MSI2: variants seen among roughly 807,000 people sequenced by gnomAD.
MSI2 encodes the protein musashi RNA binding protein 2, also known as RNA-binding protein Musashi homolog 2.
A neutral mutation model predicts 45.6 loss-of-function variants in MSI2; 17 were observed. That is an observed-to-expected ratio of 0.37 (90% CI 0.26 to 0.56). MSI2 has a LOEUF of 0.56. Among genes scored for constraint, MSI2 ranks in the 20% least tolerant of loss-of-function variants. The pLI, the probability that MSI2 is intolerant of heterozygous loss-of-function variation, is 0.77. For synonymous variants in MSI2, 156 were observed against 158.2 expected (o/e 0.99, Z 0.11); for missense variants, 293 against 444.2 (o/e 0.66, Z 3.06).
intron 5 of MSI2, among the ~76,000 whole-genome samples, chr17:57,353,551 G>A (rs1043657107): frequency 6.6e-6 from 1 of 152,152 alleles, no homozygotes; most frequent in African/African-American, 2.4e-5. Flanking sequence ...TATTTCCTTT[G>A]TTATTTAGGG....
At chr17:57,654,780 C>G (rs1192112884) in intron 11 of MSI2, among the ~76,000 whole-genome samples, 1 of 152,158 alleles carries the variant, frequency 6.6e-6, no homozygotes, top group African/African-American at 2.4e-5. Flanking sequence ...CATGCTAAAC[C>G]TGGCAGGCAA....
intron 1 of MSI2, 71 bp downstream of exon 1, chr17:57,256,875 C>T: frequency 7.9e-7 from 1 of 1,263,490 alleles, no homozygotes; most frequent in Non-Finnish European, 1.1e-6. Flanking sequence ...GACGGCGGTG[C>T]GCGGAGCCGG....
intron 7 of MSI2, among the ~76,000 whole-genome samples, chr17:57,592,354 T>C (rs548499667): frequency 6.6e-6 from 1 of 152,296 alleles, no homozygotes; most frequent in East Asian, 1.9e-4. Flanking sequence ...ATTTTGGGGG[T>C]TATTCAGCAC....
At chr17:57,691,774 G>A in the MSI2 span, among the ~76,000 whole-genome samples, 4 of 152,054 alleles carry the variant, frequency 2.6e-5, no homozygotes, top group South Asian at 8.3e-4. Flanking sequence ...TAATCATACT[G>A]TCTGAAAATA....
At chr17:57,644,472 C>T (rs1197890575) in intron 10 of MSI2, among the ~76,000 whole-genome samples, 1 of 152,144 alleles carries the variant, frequency 6.6e-6, no homozygotes, top group Non-Finnish European at 1.5e-5. Context: ...AAAGAACCAG[C>T]CCTGTCGCAT....
intron 5 of MSI2, among the ~76,000 whole-genome samples, chr17:57,361,326 T>A (rs746752506): frequency 6.6e-6 from 1 of 151,986 alleles, no homozygotes; most frequent in Admixed American, 6.6e-5. Context: ...CATGGCTGAG[T>A]GCAGTAGCTC....
rs114738832 is a variant in MSI2, at chr17:57,401,160, A to T, written c.313-219A>T. Reference sequence around the variant, plus strand: ...GAGGTTCTGAAGTCTCTGTGTCTGTATGAAACTCAAGCTTTTAGGTTGCCA... The same window carrying T: ...GAGGTTCTGAAGTCTCTGTGTCTGTTTGAAACTCAAGCTTTTAGGTTGCCA... On this transcript the variant is annotated intron_variant, in intron 5 of 13. Coordinates refer to ENST00000284073, the MANE Select transcript of MSI2 (RefSeq NM_138962.4). Among the ~76,000 whole-genome samples, 337 of 152,296 alleles carry T rather than the reference A, an allele frequency of 2.2e-3. 4 individuals carry two copies. Among genetic ancestry groups the T allele is most frequent in the African/African-American group, 7.9e-3 (329 of 41,560 alleles).
chr17:57,380,775 T>A (rs1254477542), intron 5 of MSI2, among the ~76,000 whole-genome samples: 1 of 152,228 alleles, frequency 6.6e-6, no homozygotes, highest in Non-Finnish European at 1.5e-5. Context: ...GGTAAAGTAG[T>A]TGGCTAGTCC....
chr17:57,395,494 G>A (rs926401043), intron 5 of MSI2, among the ~76,000 whole-genome samples: 4 of 152,160 alleles, frequency 2.6e-5, no homozygotes, highest in South Asian at 2.1e-4. Flanking sequence ...GGGTGGCTCC[G>A]AGGGTGATGG....
At chr17:57,366,012 C>G (rs890670287) in intron 5 of MSI2, among the ~76,000 whole-genome samples, 2 of 152,110 alleles carry the variant, frequency 1.3e-5, no homozygotes, top group Admixed American at 1.3e-4. Flanking sequence ...TCCCCCGGAT[C>G]AAGGGAGCCT....
At chr17:57,659,839 C>A (rs545581618) in intron 11 of MSI2, among the ~76,000 whole-genome samples, 1 of 152,228 alleles carries the variant, frequency 6.6e-6, no homozygotes, top group South Asian at 2.1e-4. Flanking sequence ...ACCTCATAGT[C>A]TGATCTTTCA....
rs1028735566 is a variant in MSI2, at chr17:57,627,246, G to A, written c.670G>A (p.Ala224Thr). The A allele has an allele frequency of 1.9e-6, 3 of 1,614,072 alleles. No homozygotes were observed. In the African/African-American group the frequency reaches 4.0e-5, roughly 22 times the overall value. The change falls in exon 10 of 14, where the codon GCG becomes ACG. Residue 224 changes from alanine (A) to threonine (T), a missense_variant. Coordinates refer to ENST00000284073, the MANE Select transcript of MSI2 (RefSeq NM_138962.4). The surrounding 1 kb of genome is among the most constrained non-coding windows in gnomAD (Gnocchi z 4.6). Reference protein sequence around the residue: ...MGMLGYPNFVATYGRGYPGFA... With the variant: ...MGMLGYPNFVTTYGRGYPGFA... ...TGTTCAAGGATATCCCAACTTCGTG[G>A]CGACCTATGGCCGTGGCTACCCCGG...
At chr17:57,297,757 A>G (rs978839404) in intron 5 of MSI2, among the ~76,000 whole-genome samples, 1 of 152,214 alleles carries the variant, frequency 6.6e-6, no homozygotes, top group Non-Finnish European at 1.5e-5. Flanking sequence ...ACTTTTAGGT[A>G]ATATTATTAA....
At chr17:57,322,118 C>T (rs1156245093) in intron 5 of MSI2, among the ~76,000 whole-genome samples, 6 of 152,288 alleles carry the variant, frequency 3.9e-5, no homozygotes, top group Non-Finnish European at 8.8e-5. Flanking sequence ...ATTTTAAGCT[C>T]CATGAGGGTA....
chr17:57,371,569 A>G (rs1303437401), intron 5 of MSI2, among the ~76,000 whole-genome samples: 2 of 140,020 alleles, frequency 1.4e-5, no homozygotes, highest in African/African-American at 2.6e-5. Flanking sequence ...ACACACACAC[A>G]CAAATCATTG....
rs183713252 is a variant in MSI2, at chr17:57,257,578, A to G, written c.185+31A>G. 16 of 1,461,144 alleles carry G rather than the reference A, an allele frequency of 1.1e-5. No individual in the cohort carries two copies. In the East Asian group the frequency reaches 2.9e-4, roughly 27 times the overall value. 90.5% of individuals were successfully genotyped at this position (1,461,144 alleles called of 1,614,324 possible). ...CCATTCCCTTCTGGATTTTGTCTTTATTTTAGAACAAAGTTTAAGTTTTAT... is the reference window on the plus strand; with the variant it reads ...CCATTCCCTTCTGGATTTTGTCTTTGTTTTAGAACAAAGTTTAAGTTTTAT... On this transcript the variant is annotated intron_variant, in intron 3 of 13. Coordinates refer to ENST00000284073, the MANE Select transcript of MSI2 (RefSeq NM_138962.4).
intron 6 of MSI2, among the ~76,000 whole-genome samples, chr17:57,516,830 A>T (rs1363524045): frequency 1.3e-5 from 2 of 152,166 alleles, no homozygotes; most frequent in African/African-American, 4.8e-5. Context: ...TGAACCCAGG[A>T]TGTGTGATGG....
At chr17:57,257,842 T>TG (rs1906943756) in intron 3 of MSI2, among the ~76,000 whole-genome samples, 6 of 152,238 alleles carry the variant, frequency 3.9e-5, no homozygotes, top group Admixed American at 2.6e-4. Flanking sequence ...CGCATAGTTT[T>TG]TTTTTTTCTT....
chr17:57,614,085 C>T (rs1213009053), intron 8 of MSI2, among the ~76,000 whole-genome samples: 1 of 152,102 alleles, frequency 6.6e-6, no homozygotes, highest in Non-Finnish European at 1.5e-5. Context: ...GAGTCTCGCT[C>T]TGTCGCCCAG....
Sources: allele counts gnomAD v4.1 joint callset (sites outside exome capture counted in the v4.1 genomes callset), GRCh38; gene constraint gnomAD v4.1.1; non-coding constraint Gnocchi (gnomAD v3.1); transcripts MANE v1.5; gene names NCBI Gene and HGNC (gene_info 2026-07-23, HGNC 2026-07-21).